Variants in RELT observed in about 807,000 individuals in gnomAD.
The protein encoded by RELT is RELT TNF receptor.
A neutral mutation model predicts 51.1 loss-of-function variants in RELT; 37 were observed. The ratio of observed to expected loss-of-function variants is 0.72; its 90% confidence interval spans 0.56 to 0.95. The LOEUF (loss-of-function observed/expected upper bound fraction) is 0.95, where lower values mean the gene tolerates loss of function less well. Among genes scored for constraint, RELT ranks in the 40% least tolerant of loss-of-function variants. The probability of loss-of-function intolerance (pLI) is 0.00; values close to 1 mark genes in which losing one functional copy is unlikely to be tolerated. For synonymous variants in RELT, 241 were observed against 235.7 expected (o/e 1.02, Z -0.21); for missense variants, 535 against 572.6 (o/e 0.93, Z 0.67).
In RELT at chr11:73,383,979, G is replaced by A. The variant is rs984171542; in HGVS notation, c.-25-5133G>A. Among the ~76,000 whole-genome samples the A allele has an allele frequency of 2.6e-5, 4 of 152,294 alleles. No homozygotes were observed. In the South Asian group the frequency reaches 8.3e-4, roughly 32 times the overall value. ...GTGTGGCCACCGCCAAGGGAGGCCT[G>A]TGTCCAGCTGTGTTTCCAGGCAACC... On this transcript the variant is annotated intron_variant, in intron 1 of 10. Coordinates refer to ENST00000064780, the MANE Select transcript of RELT (RefSeq NM_152222.2).
At chr11:73,377,094 T>A (rs1405927145) in intron 1 of RELT, among the ~76,000 whole-genome samples, 4 of 151,926 alleles carry the variant, frequency 2.6e-5, no homozygotes, top group Admixed American at 2.0e-4. Flanking sequence ...GTGTGTTGTG[T>A]GAGGGAAAGA....
Position 73,383,460 on chromosome 11 carries a change from C to T in RELT, c.-25-5652C>T, listed in dbSNP as rs150288743. Among the ~76,000 whole-genome samples the T allele has an allele frequency of 5.9e-3, 904 of 152,346 alleles. 8 individuals are homozygous for T. Among genetic ancestry groups the T allele is most frequent in the Middle Eastern group, 0.034 (10 of 294 alleles). On this transcript the variant is annotated intron_variant, in intron 1 of 10. Transcript: ENST00000064780. ...AACTCCTAGAGGCCCCATGGGATGG[C>T]GGTGCAGACAGCACCTTCTCCTGGG... is the stretch of plus-strand genomic sequence containing the variant.
At chr11:73,392,649 G>A (rs1866237778) in intron 6 of RELT, 181 bp downstream of exon 6, 63 of 1,421,348 alleles carry the variant, frequency 4.4e-5, no homozygotes, top group Non-Finnish European at 5.7e-5. Flanking sequence ...GTGTGGCCGT[G>A]GGGGCAGAGC....
chr11:73,392,680 A>G (rs1049226642), intron 6 of RELT: 15 of 1,429,008 alleles, frequency 1.0e-5, no homozygotes, highest in African/African-American at 4.3e-5. Context: ...CAGCTGGTCA[A>G]GTGGCTTCAG....
chr11:73,387,482 C>T (rs1004129736), intron 1 of RELT, among the ~76,000 whole-genome samples: 2 of 152,226 alleles, frequency 1.3e-5, no homozygotes, highest in South Asian at 2.1e-4. Context: ...TGACAGGGGA[C>T]CCTCCCCAAA....
chr11:73,386,552 G>A (rs1398890150), intron 1 of RELT, among the ~76,000 whole-genome samples: 3 of 152,270 alleles, frequency 2.0e-5, no homozygotes, highest in East Asian at 1.9e-4. Flanking sequence ...TGTGGGGGCC[G>A]GGCAGCCAGA....
rs1866161166 is a variant in RELT at position 73,388,681 on chromosome 11, G to C, written c.-25-431G>C. ...TTGCAGACCTGTGAGGAGGAGGCGG[G>C]GGGAGCCTGAGCCTGGAGCGCTGGG... On this transcript the variant is annotated intron_variant, in intron 1 of 10. Coordinates refer to ENST00000064780, the MANE Select transcript of RELT (RefSeq NM_152222.2). The surrounding 1 kb of genome is among the most constrained non-coding windows in gnomAD (Gnocchi z 4.1). 6.6e-6 allele frequency among the ~76,000 whole-genome samples: 1 copy of C among 152,204 alleles called. No homozygotes were observed. The highest frequency in any genetic ancestry group is 1.5e-5 in the Non-Finnish European group (1 of 68,028).
rs1194012259 is a variant in RELT, at chr11:73,390,827, T to C, written c.193T>C (p.Cys65Arg). 2 of 1,612,530 alleles carry C rather than the reference T, an allele frequency of 1.2e-6. No individual in the cohort carries two copies. Among genetic ancestry groups the C allele is most frequent in the Non-Finnish European group, 8.5e-7 (1 of 1,179,748 alleles). The part of the protein sequence containing the change: ...TFSAAWGSSP[C>R]QPHARCSLWR... The stretch of plus-strand genomic sequence containing the variant: ...CTCAGCTGCATGGGGCTCCAGCCCA[T>C]GCCAGCCCCATGCCCGTTGCAGCCT... The change falls in exon 4 of 11, where the codon TGC (cysteine) becomes CGC (arginine). Residue 65 changes from cysteine (C) to arginine (R), a missense_variant. Physicochemically the swap from Cys to Arg is radical, Grantham distance 180. Transcript: ENST00000064780.
intron 1 of RELT, among the ~76,000 whole-genome samples, chr11:73,382,130 A>G (rs1404350986): frequency 6.6e-6 from 1 of 152,164 alleles, no homozygotes; most frequent in Non-Finnish European, 1.5e-5. Context: ...CCAGGGCCCA[A>G]CCTTGTCTCC....
intron 10 of RELT, 68 bp downstream of exon 10, chr11:73,395,353 G>C: frequency 6.4e-7 from 1 of 1,571,254 alleles, no homozygotes; most frequent in Non-Finnish European, 8.8e-7. Context: ...GGGCAGGGGT[G>C]GAAGTGCAGC....
At chr11:73,378,151 G>A (rs955425080) in intron 1 of RELT, among the ~76,000 whole-genome samples, 10 of 152,164 alleles carry the variant, frequency 6.6e-5, no homozygotes, top group African/African-American at 1.9e-4. Flanking sequence ...GAGCTGGAGC[G>A]GTACCCTTTC....
At position 73,396,068 on chromosome 11, in the gene RELT, C is replaced by G. The variant is rs983812785; in HGVS notation, c.*577C>G. On this transcript the variant is annotated 3_prime_UTR_variant, in exon 11 of 11. Transcript: ENST00000064780. ...AAGTAAGGAGAGACGTCTCAGTACC[C>G]AGGGCCTCTTCAGCTCTTTGTAGGT... 4 of 154,642 alleles carry G rather than the reference C, an allele frequency of 2.6e-5. No homozygotes were observed. The highest frequency in any genetic ancestry group is 2.0e-4 in the South Asian group (1 of 5,024). The allele number at this position is 154,642 out of a possible 1,614,324, so 9.6% of individuals were successfully genotyped here. A position where few individuals can be genotyped will look rare whatever the true frequency, so the allele number is the denominator to read the frequency against.
chr11:73,393,709 T>G (rs1292956080), intron 6 of RELT, 128 bp from the exon 7 acceptor site: 2 of 1,575,932 alleles, frequency 1.3e-6, no homozygotes, highest in African/African-American at 2.7e-5. Context: ...CTGGGAGGCT[T>G]GTCACCTAAA....
rs931169580 is a variant in RELT at position 73,388,150 on chromosome 11, G to C, written c.-25-962G>C. Reference sequence around the variant, plus strand: ...ACCGGTGGGCCGTGACGCCACCATGGATATTTCTCTGAAGTATCACACACT... The same window carrying C: ...ACCGGTGGGCCGTGACGCCACCATGCATATTTCTCTGAAGTATCACACACT... On this transcript the variant is annotated intron_variant, in intron 1 of 10. Coordinates refer to ENST00000064780, the MANE Select transcript of RELT (RefSeq NM_152222.2). The surrounding 1 kb of genome is among the most constrained non-coding windows in gnomAD (Gnocchi z 4.1). 1.3e-5 allele frequency among the ~76,000 whole-genome samples: 2 copies of C among 152,186 alleles called. No individual in the cohort carries two copies. The highest frequency in any genetic ancestry group is 4.8e-5 in the African/African-American group (2 of 41,436).
At position 73,388,694 on chromosome 11, in the gene RELT, C is replaced by T. The variant is rs1395635390; in HGVS notation, c.-25-418C>T. 2.0e-5 allele frequency among the ~76,000 whole-genome samples: 3 copies of T among 152,212 alleles called. No individual in the cohort carries two copies. Among genetic ancestry groups the T allele is most frequent in the Non-Finnish European group, 2.9e-5 (2 of 68,028 alleles). ...AGGAGGAGGCGGGGGGAGCCTGAGC[C>T]TGGAGCGCTGGGCTGGAGTGTGGAG... On this transcript the variant is annotated intron_variant, in intron 1 of 10. Coordinates refer to ENST00000064780, the MANE Select transcript of RELT (RefSeq NM_152222.2). The surrounding 1 kb of genome is among the most constrained non-coding windows in gnomAD (Gnocchi z 4.1).
In RELT at chr11:73,385,170, A is replaced by G. The variant is rs536856114; in HGVS notation, c.-25-3942A>G. On this transcript the variant is annotated intron_variant, in intron 1 of 10. Coordinates refer to ENST00000064780, the MANE Select transcript of RELT (RefSeq NM_152222.2). ...GCAAGGGGGCAAGAGCAATGGGCGC[A>G]GGCCTTGGGAGAGCTTAGGGACTGT... Among the ~76,000 whole-genome samples, 6 of 152,120 alleles carry G rather than the reference A, an allele frequency of 3.9e-5. No homozygotes were observed. The East Asian group carries it at 1.2e-3, about 30-fold the overall frequency.
chr11:73,384,380 A>G (rs569613253), intron 1 of RELT: 2 of 152,350 alleles, frequency 1.3e-5, no homozygotes, highest in African/African-American at 4.8e-5. Flanking sequence ...CCGCCTGTAT[A>G]CCAGACTCTG....
chr11:73,377,839 G>C (rs1402015229), intron 1 of RELT, among the ~76,000 whole-genome samples: 2 of 152,140 alleles, frequency 1.3e-5, no homozygotes, highest in Admixed American at 6.5e-5. Flanking sequence ...AGACTGCAGT[G>C]GGGGGTGGGG....
chr11:73,390,789 C>T lies in RELT; in HGVS notation c.155C>T (p.Pro52Leu). The T allele has an allele frequency of 6.2e-7, 1 of 1,610,784 alleles. No homozygotes were observed. ...PGQGTLCRPCPPGTFSAAWGS... is the reference protein window; with the variant it reads ...PGQGTLCRPCLPGTFSAAWGS... ...CAGGGCACATTATGCAGGCCCTGCC[C>T]CCCAGGCACCTTCTCAGCTGCATGG... Residue 52 changes from proline to leucine, a missense_variant, in exon 4 of 11, where the codon CCC becomes CTC. Transcript: ENST00000064780.
Sources: allele counts gnomAD v4.1 joint callset (sites outside exome capture counted in the v4.1 genomes callset), GRCh38; gene constraint gnomAD v4.1.1; non-coding constraint Gnocchi (gnomAD v3.1); transcripts MANE v1.5; gene names NCBI Gene and HGNC (gene_info 2026-07-23, HGNC 2026-07-21).